The following CRACD variants were observed in gnomAD, a reference collection of about 807,000 sequenced individuals.
The protein encoded by CRACD is capping protein-inhibiting regulator of actin dynamics.
Under a neutral mutation model 106.8 loss-of-function variants are expected in CRACD, and 56 were observed. The ratio of observed to expected loss-of-function variants is 0.52; its 90% CI spans 0.42 to 0.66. The LOEUF is 0.66. Among genes scored for constraint, CRACD ranks in the 30% least tolerant of loss-of-function variants. The probability of loss-of-function intolerance (pLI) is 0.00; values close to 1 mark genes in which losing one functional copy is unlikely to be tolerated. For missense variants in CRACD, 1,730 were observed against 1,623.2 expected (o/e 1.07, Z -1.13); for synonymous variants, 754 against 670.8 (o/e 1.12, Z -1.92).
rs568759941 is a variant in CRACD at position 56,216,843 on chromosome 4, G to A, written c.-189+37413G>A. Reference sequence around the variant, plus strand: ...AAAATACAAAAAATTAGCCGGGCGCGGTGGCGGGCACCTGTAGTCCCAGCT... The same window carrying A: ...AAAATACAAAAAATTAGCCGGGCGCAGTGGCGGGCACCTGTAGTCCCAGCT... On this transcript the variant is annotated intron_variant, in intron 2 of 10. Transcript: ENST00000682029. Among the ~76,000 whole-genome samples the A allele has an allele frequency of 5.4e-4, 82 of 151,116 alleles. 4 individuals are homozygous for A. The highest frequency in any genetic ancestry group is 3.4e-3 in the Admixed American group (52 of 15,154).
At chr4:56,185,264 G>A (rs1012669873) in intron 2 of CRACD, among the ~76,000 whole-genome samples, 1 of 152,094 alleles carries the variant, frequency 6.6e-6, no homozygotes, top group African/African-American at 2.4e-5. Flanking sequence ...GCCTTCAGTG[G>A]CATTTAGTAT....
At chr4:56,125,991 C>T (rs1309389162) in intron 1 of CRACD, among the ~76,000 whole-genome samples, 1 of 151,742 alleles carries the variant, frequency 6.6e-6, no homozygotes, top group Non-Finnish European at 1.5e-5. Flanking sequence ...AGGCTGGTCT[C>T]GAACTCCTGA....
chr4:56,136,097 A>G (rs1050746826), intron 1 of CRACD, among the ~76,000 whole-genome samples: 5 of 151,730 alleles, frequency 3.3e-5, no homozygotes, highest in African/African-American at 1.2e-4. Context: ...TTTGTATATC[A>G]ATAGTTTGTT....
chr4:56,121,623 G>T (rs928596599), intron 1 of CRACD, among the ~76,000 whole-genome samples: 1 of 151,578 alleles, frequency 6.6e-6, no homozygotes, highest in Non-Finnish European at 1.5e-5. Flanking sequence ...CAGCCTGGGC[G>T]ACAGAGCAAG....
intron 1 of CRACD, among the ~76,000 whole-genome samples, chr4:56,177,389 T>C (rs1413397838): frequency 1.3e-5 from 2 of 152,234 alleles, no homozygotes; most frequent in Admixed American, 6.5e-5. Flanking sequence ...GAACCATTTT[T>C]GCATTCCTGG....
chr4:56,067,959 G>T (rs545892872), intron 1 of CRACD, among the ~76,000 whole-genome samples: 2 of 152,266 alleles, frequency 1.3e-5, no homozygotes, highest in East Asian at 3.9e-4. Flanking sequence ...TTACTATTTG[G>T]CCAGAGGTCA....
At chr4:56,178,344 T>C (rs1415286423) in intron 1 of CRACD, among the ~76,000 whole-genome samples, 1 of 152,210 alleles carries the variant, frequency 6.6e-6, no homozygotes, top group Admixed American at 6.5e-5. Flanking sequence ...AGTTTTGCCC[T>C]GTGCCTCCTA....
At chr4:56,057,857 C>T (rs372014521) in intron 1 of CRACD, among the ~76,000 whole-genome samples, 118 of 54,144 alleles carry the variant, frequency 2.2e-3, no homozygotes, top group Middle Eastern at 0.012. Flanking sequence ...CTCGCTCTGT[C>T]GCCCAGGCTG....
chr4:56,081,884 G>A (rs572267517), intron 1 of CRACD, among the ~76,000 whole-genome samples: 2 of 152,220 alleles, frequency 1.3e-5, no homozygotes, highest in East Asian at 1.9e-4. Context: ...GCTGAGGCAG[G>A]AGAATTGCTT....
In CRACD at chr4:56,314,906, C is replaced by T; in HGVS notation, c.1404C>T (p.Ser468=). Residue 468 remains serine (S), a synonymous_variant, in exon 8 of 11, where the codon AGC becomes AGT. Transcript: ENST00000682029. The surrounding 1 kb of genome is among the most constrained non-coding windows in gnomAD (Gnocchi z 4.4). ...AERRREQQGR[S]GDFQGADRPG... ...GGCGAAGAGAGCAGCAGGGAAGGAG[C>T]GGGGATTTCCAGGGGGCCGATCGTC... 3.1e-6 allele frequency: 5 copies of T among 1,608,140 alleles called. No homozygotes were observed. The highest frequency in any genetic ancestry group is 4.2e-6 in the Non-Finnish European group (5 of 1,178,148).
intron 2 of CRACD, among the ~76,000 whole-genome samples, chr4:56,265,403 GGTGTGT>G (rs111811548): frequency 0.034 from 2,630 of 77,398 alleles, 72 homozygotes; most frequent in African/African-American, 0.096. Flanking sequence ...ATAGAGGAGG[GGTGTGT>G]GTGTGTGTGT....
intron 3 of CRACD, among the ~76,000 whole-genome samples, chr4:56,295,371 G>A (rs1384109160): frequency 1.3e-5 from 2 of 151,940 alleles, no homozygotes; most frequent in East Asian, 1.9e-4. Flanking sequence ...TTACCACTGT[G>A]ACCACCACTA....
intron 1 of CRACD, among the ~76,000 whole-genome samples, chr4:56,129,436 G>C (rs41335053): frequency 9.8e-5 from 15 of 152,298 alleles, no homozygotes; most frequent in African/African-American, 3.6e-4. Flanking sequence ...TTAGGGCCTC[G>C]TGTGAACTGG....
At chr4:56,279,078 T>G (rs1007906716) in intron 3 of CRACD, among the ~76,000 whole-genome samples, 3 of 152,202 alleles carry the variant, frequency 2.0e-5, no homozygotes, top group African/African-American at 7.2e-5. Flanking sequence ...GGGTAATGTT[T>G]AGTTCTGATC....
intron 3 of CRACD, among the ~76,000 whole-genome samples, chr4:56,288,192 TTCC>T (rs1207294772): frequency 6.6e-6 from 1 of 152,196 alleles, no homozygotes; most frequent in Non-Finnish European, 1.5e-5. Context: ...TTTTCTTAAT[TTCC>T]TCCTCTTCTT....
chr4:56,160,750 G>A (rs1322300598), intron 1 of CRACD, among the ~76,000 whole-genome samples: 1 of 152,198 alleles, frequency 6.6e-6, no homozygotes, highest in African/African-American at 2.4e-5. Context: ...CAAATGAAAT[G>A]ATTTGACGTG....
chr4:56,241,555 G>A (rs1320131449), intron 2 of CRACD, among the ~76,000 whole-genome samples: 1 of 152,170 alleles, frequency 6.6e-6, no homozygotes, highest in Non-Finnish European at 1.5e-5. Context: ...ACTAGAGACT[G>A]CTATGTTCCA....
chr4:56,190,331 A>G (rs1737313717), intron 2 of CRACD, among the ~76,000 whole-genome samples: 1 of 152,118 alleles, frequency 6.6e-6, no homozygotes, highest in Admixed American at 6.5e-5. Flanking sequence ...TTGGGTATAT[A>G]CCCAGTAATG....
intron 2 of CRACD, among the ~76,000 whole-genome samples, chr4:56,257,076 GTTC>G (rs953385941): frequency 7.5e-6 from 1 of 133,408 alleles, no homozygotes; most frequent in African/African-American, 2.8e-5. Context: ...ATATTTTGAT[GTTC>G]TTTTTTTTTT....
Sources: gnomAD v4.1 joint callset for allele counts (sites outside exome capture counted in the v4.1 genomes callset) on GRCh38, gnomAD v4.1.1 for gene constraint, Gnocchi (gnomAD v3.1) non-coding constraint, MANE v1.5 for transcripts, NCBI Gene and HGNC (gene_info 2026-07-23, HGNC 2026-07-21) for gene names.